Variants in SLCO2A1 observed in about 807,000 individuals in gnomAD.
SLCO2A1 encodes the protein matrin F/G 1.
A neutral mutation model predicts 71.7 loss-of-function variants in SLCO2A1; 60 were observed. That is an observed-to-expected ratio of 0.84 (90% CI 0.68 to 1.04). The LOEUF (loss-of-function observed/expected upper bound fraction) is 1.04, where lower values mean the gene tolerates loss of function less well. Among genes scored for constraint, SLCO2A1 ranks in the 50% least tolerant of loss-of-function variants. SLCO2A1 has a pLI of 0.00. For synonymous variants in SLCO2A1, 308 were observed against 326.7 expected (o/e 0.94, Z 0.62); for missense variants, 745 against 813.4 (o/e 0.92, Z 1.02).
intron 1 of SLCO2A1, among the ~76,000 whole-genome samples, chr3:133,983,395 C>A (rs1014723967): frequency 6.6e-6 from 1 of 152,206 alleles, no homozygotes; most frequent in Non-Finnish European, 1.5e-5. Flanking sequence ...CCAAGTGAAG[C>A]AGAAATGAGC....
chr3:134,015,773 C>T (rs971238592), intron 1 of SLCO2A1, among the ~76,000 whole-genome samples: 49 of 151,950 alleles, frequency 3.2e-4, no homozygotes, highest in Admixed American at 9.2e-4. Flanking sequence ...ATGGGCTCAT[C>T]AAATAAAAAT....
chr3:133,999,836 A>G (rs1935063375), intron 1 of SLCO2A1, among the ~76,000 whole-genome samples: 1 of 152,234 alleles, frequency 6.6e-6, no homozygotes, highest in African/African-American at 2.4e-5. Flanking sequence ...AAACCAAGTC[A>G]GAAAAAGGGT....
At chr3:133,947,019 G>T (rs917708778) in intron 9 of SLCO2A1, among the ~76,000 whole-genome samples, 5 of 152,036 alleles carry the variant, frequency 3.3e-5, no homozygotes, top group Non-Finnish European at 7.4e-5. Context: ...AGAGGCTGAG[G>T]CATGAGAATT....
chr3:134,010,484 T>C (rs549980587), intron 1 of SLCO2A1, among the ~76,000 whole-genome samples: 2 of 151,956 alleles, frequency 1.3e-5, no homozygotes, highest in Non-Finnish European at 2.9e-5. Context: ...CCGGGCGCGG[T>C]GGCTCACGCC....
intron 1 of SLCO2A1, among the ~76,000 whole-genome samples, chr3:133,991,384 A>G (rs1366115353): frequency 2.0e-5 from 3 of 152,226 alleles, no homozygotes; most frequent in African/African-American, 7.2e-5. Context: ...CCATGGCCCA[A>G]TGCCCCAAAG....
intron 3 of SLCO2A1, among the ~76,000 whole-genome samples, chr3:133,959,927 T>C (rs1933995210): frequency 6.6e-6 from 1 of 151,956 alleles, no homozygotes. Context: ...AAGACCATCC[T>C]GGCTAACACG....
chr3:133,966,486 C>T (rs2108051403), intron 3 of SLCO2A1, among the ~76,000 whole-genome samples: 1 of 152,302 alleles, frequency 6.6e-6, no homozygotes, highest in East Asian at 1.9e-4. Context: ...ACTGCAGCCC[C>T]AGGCCAAGAA....
intron 2 of SLCO2A1, among the ~76,000 whole-genome samples, chr3:133,976,768 C>T (rs773988594): frequency 5.9e-5 from 9 of 152,094 alleles, no homozygotes; most frequent in African/African-American, 9.7e-5. Context: ...ACCAAAGGGC[C>T]GCAGGGACAA....
rs780569287 is a variant in SLCO2A1, at chr3:133,955,009, A to C, written c.582T>G (p.Tyr194Ter). 1 of 1,614,136 alleles carries C rather than the reference A, an allele frequency of 6.2e-7. No individual in the cohort carries two copies. The highest frequency in any genetic ancestry group is 1.1e-5 in the South Asian group (1 of 91,080). The change falls in exon 4 of 14, where the codon TAT (tyrosine) becomes TAG (stop). Residue 194 changes from tyrosine to a stop codon, truncating the protein, a stop_gained. Coordinates refer to ENST00000310926, the MANE Select transcript of SLCO2A1 (RefSeq NM_005630.3). LOFTEE classifies it high-confidence loss of function. ...TGCTGGGCTCTGAGAAGTCATCCAC[A>C]TAGGAGATCCCAAATGGCTGAATAG... ...TVPIQPFGIS[Y>*]VDDFSEPSNS...
intron 1 of SLCO2A1, among the ~76,000 whole-genome samples, chr3:134,011,124 C>G (rs1027164172): frequency 1.3e-4 from 20 of 152,272 alleles, no homozygotes; most frequent in African/African-American, 4.8e-4. Flanking sequence ...GATCTCGGCT[C>G]ACTGCAACCT....
chr3:133,979,861 T>C (rs958917007), intron 1 of SLCO2A1, among the ~76,000 whole-genome samples: 6 of 152,300 alleles, frequency 3.9e-5, no homozygotes, highest in Middle Eastern at 3.4e-3. Context: ...TGCTGTGATA[T>C]GTGGCCCAGT....
chr3:133,991,319 C>A (rs188922703), intron 1 of SLCO2A1, among the ~76,000 whole-genome samples: 2 of 152,272 alleles, frequency 1.3e-5, no homozygotes, highest in Admixed American at 1.3e-4. Context: ...CTCCATCAGC[C>A]GTTGGCCTGC....
intron 1 of SLCO2A1, among the ~76,000 whole-genome samples, chr3:133,979,832 A>T (rs941527002): frequency 6.6e-6 from 1 of 152,164 alleles, no homozygotes; most frequent in African/African-American, 2.4e-5. Context: ...CATTCCTGTT[A>T]TTACTGCATT....
intron 1 of SLCO2A1, among the ~76,000 whole-genome samples, chr3:134,001,309 C>T (rs369183957): frequency 2.6e-5 from 4 of 152,146 alleles, no homozygotes; most frequent in African/African-American, 9.7e-5. Flanking sequence ...TGGGGTCTCA[C>T]CATGTTGGCC....
chr3:133,945,772 T>C (rs1933558924), intron 9 of SLCO2A1, among the ~76,000 whole-genome samples: 1 of 152,186 alleles, frequency 6.6e-6, no homozygotes, highest in Admixed American at 6.5e-5. Context: ...GTTCCCACTG[T>C]TCCCCGGTAT....
chr3:133,959,569 A>G (rs1648815901), intron 3 of SLCO2A1, among the ~76,000 whole-genome samples: 1 of 152,168 alleles, frequency 6.6e-6, no homozygotes, highest in South Asian at 2.1e-4. Context: ...GCGCACCTGT[A>G]ATCCCAATAT....
At chr3:133,940,439 T>C (rs906086709) in intron 11 of SLCO2A1, among the ~76,000 whole-genome samples, 2 of 152,152 alleles carry the variant, frequency 1.3e-5, no homozygotes, top group African/African-American at 4.8e-5. Flanking sequence ...CATCCTGTGG[T>C]TGAAATGATG....
rs1258962882 is a variant in SLCO2A1 at position 133,934,881 on chromosome 3, C to T, written c.1815-51G>A. ...GTGAGGGAGGGGGCTCTGCAGCCCA[C>T]ATCCCAGGGCCAGGACCACTGGGAA... is the stretch of plus-strand genomic sequence containing the variant. On this transcript the variant is annotated intron_variant, in intron 13 of 13. Coordinates refer to ENST00000310926, the MANE Select transcript of SLCO2A1 (RefSeq NM_005630.3). 3.3e-5 allele frequency: 47 copies of T among 1,442,244 alleles called. No homozygotes were observed. The Admixed American group carries it at 7.8e-4, about 24-fold the overall frequency. 89.3% of individuals were successfully genotyped at this position (1,442,244 alleles called of 1,614,324 possible).
At position 133,932,768 on chromosome 3, in the gene SLCO2A1, T is replaced by C. The variant is rs986568353; in HGVS notation, c.*1945A>G. ...TAAAGGTTTGGGAGTGCAACCAATC[T>C]TCTAGAACCTGAAGGTTGGCATTCA... On this transcript the variant is annotated 3_prime_UTR_variant, in exon 14 of 14. Coordinates refer to ENST00000310926, the MANE Select transcript of SLCO2A1 (RefSeq NM_005630.3). The C allele has an allele frequency of 1.5e-4, 23 of 152,598 alleles. No individual in the cohort carries two copies. Among genetic ancestry groups the C allele is most frequent in the African/African-American group, 5.3e-4 (22 of 41,446 alleles). The allele number at this position is 152,598 out of a possible 1,614,324, so 9.5% of individuals were successfully genotyped here.
Sources: gnomAD v4.1 joint callset for allele counts (sites outside exome capture counted in the v4.1 genomes callset) on GRCh38, gnomAD v4.1.1 for gene constraint, MANE v1.5 for transcripts, NCBI Gene and HGNC (gene_info 2026-07-23, HGNC 2026-07-21) for gene names.